Variants in RALYL observed in about 807,000 individuals in gnomAD.
The protein encoded by RALYL is RNA-binding Raly-like protein.
In RALYL, 29 loss-of-function variants were observed where a neutral mutation model predicts 35.1. The observed-to-expected ratio is 0.83, with a 90% CI of 0.61 to 1.13. The LOEUF (loss-of-function observed/expected upper bound fraction) is 1.13, where lower values mean the gene tolerates loss of function less well. Among genes scored for constraint, RALYL ranks in the 50% most tolerant of loss-of-function variants. The pLI, the probability that RALYL is intolerant of heterozygous loss-of-function variation, is 0.00. For missense variants in RALYL, 359 were observed against 360.4 expected, an observed-to-expected ratio of 1.00 and a Z score of 0.03; for synonymous variants, 120 against 127.6, an observed-to-expected ratio of 0.94 and a Z score of 0.40.
intron 1 of RALYL, among the ~76,000 whole-genome samples, chr8:84,316,254 T>C (rs1411588251): frequency 7.9e-5 from 12 of 152,160 alleles, no homozygotes; most frequent in Non-Finnish European, 1.8e-4. Flanking sequence ...TTACATTTAT[T>C]TCCAGACGTT....
chr8:84,377,969 A>G (rs1276750676), intron 1 of RALYL, among the ~76,000 whole-genome samples: 1 of 151,932 alleles, frequency 6.6e-6, no homozygotes, highest in Non-Finnish European at 1.5e-5. Flanking sequence ...ATTTATTTAA[A>G]GAATTTAACA....
chr8:84,520,649 A>T (rs899996167), intron 1 of RALYL, among the ~76,000 whole-genome samples: 11 of 152,124 alleles, frequency 7.2e-5, no homozygotes, highest in African/African-American at 2.7e-4. Flanking sequence ...TACTGCCTGA[A>T]CTCTGCCTCC....
chr8:84,907,007 C>A (rs1476622244), intron 8 of RALYL: 1 of 978,900 alleles, frequency 1.0e-6, no homozygotes, highest in African/African-American at 1.8e-5. Context: ...AAGTTCAGGC[C>A]TTTGGAAAGC....
At chr8:84,648,446 C>A (rs1588736677) in intron 2 of RALYL, among the ~76,000 whole-genome samples, 1 of 152,090 alleles carries the variant, frequency 6.6e-6, no homozygotes, top group East Asian at 1.9e-4. Context: ...GTAGATGGTG[C>A]CAGAGGGTTG....
At chr8:84,671,548 AGAGGCTCC>A (rs1240258290) in intron 2 of RALYL, among the ~76,000 whole-genome samples, 14 of 152,190 alleles carry the variant, frequency 9.2e-5, no homozygotes, top group Admixed American at 8.5e-4. Flanking sequence ...AAATCTAGGC[AGAGGCTCC>A]CAAACTTCAA....
chr8:84,217,444 G>A (rs1460870456), intron 1 of RALYL, among the ~76,000 whole-genome samples: 1 of 151,882 alleles, frequency 6.6e-6, no homozygotes, highest in Non-Finnish European at 1.5e-5. Context: ...CATTTTGTAT[G>A]TGCACCTAGA....
chr8:84,889,724 G>A lies in RALYL; in HGVS notation c.858+1948G>A, dbSNP rs1391849122. The stretch of plus-strand genomic sequence containing the variant: ...CAATAAACAATTGAAACTTAACATG[G>A]CCAGAAACAGTCTTGATTTTTTTCT... On this transcript the variant is annotated intron_variant, in intron 8 of 8. Transcript: ENST00000521268. 2.0e-5 allele frequency among the ~76,000 whole-genome samples: 3 copies of A among 152,100 alleles called. No homozygotes were observed. In the East Asian group the frequency reaches 5.8e-4, roughly 29 times the overall value.
intron 1 of RALYL, among the ~76,000 whole-genome samples, chr8:84,337,381 A>G (rs1161231332): frequency 6.6e-6 from 1 of 151,678 alleles, no homozygotes; most frequent in East Asian, 1.9e-4. Context: ...GAGATACTGA[A>G]TGGTGTATTT....
At chr8:84,770,157 T>A (rs1815078366) in intron 2 of RALYL, among the ~76,000 whole-genome samples, 1 of 152,146 alleles carries the variant, frequency 6.6e-6, no homozygotes, top group African/African-American at 2.4e-5. Context: ...CCTAGCAGTA[T>A]ACACTAAACC....
chr8:84,472,508 C>A (rs190448632), intron 1 of RALYL, among the ~76,000 whole-genome samples: 9 of 152,134 alleles, frequency 5.9e-5, no homozygotes, highest in African/African-American at 2.2e-4. Flanking sequence ...AAGAAATGTA[C>A]CTTAGTATCT....
chr8:84,833,027 G>T (rs1002952719), intron 4 of RALYL, among the ~76,000 whole-genome samples: 1 of 152,106 alleles, frequency 6.6e-6, no homozygotes, highest in East Asian at 1.9e-4. Flanking sequence ...TCTTCCACTT[G>T]ACAGGCTTTC....
In RALYL at chr8:84,773,129, A is replaced by T. The variant is rs1226832532; in HGVS notation, c.257-1450A>T. Among the ~76,000 whole-genome samples, 4 of 152,174 alleles carry T rather than the reference A, an allele frequency of 2.6e-5. No individual in the cohort carries two copies. In the East Asian group the frequency reaches 7.7e-4, roughly 29 times the overall value. ...GTGCCCGCTGAACCACAAGGATGTA[A>T]AAACTAAAACTCATGTTCTGGCAGC... On this transcript the variant is annotated intron_variant, in intron 2 of 8. Transcript: ENST00000521268.
At chr8:84,404,815 G>T (rs1438814545) in intron 1 of RALYL, among the ~76,000 whole-genome samples, 1 of 151,800 alleles carries the variant, frequency 6.6e-6, no homozygotes, top group African/African-American at 2.4e-5. Context: ...GTTTTTTTTG[G>T]CTGGTCAGCT....
chr8:84,771,116 G>T lies in RALYL; in HGVS notation c.257-3463G>T, dbSNP rs553317856. ...ATTTTGCAATTAAATTTACATGAAA[G>T]AATTCATACTGTCAGTATTTTTCCA... On this transcript the variant is annotated intron_variant, in intron 2 of 8. Transcript: ENST00000521268. Among the ~76,000 whole-genome samples the T allele has an allele frequency of 6.6e-5, 10 of 152,044 alleles. No individual in the cohort carries two copies. In the South Asian group the frequency reaches 1.5e-3, roughly 22 times the overall value.
chr8:84,315,170 A>T (rs1201357804), intron 1 of RALYL, among the ~76,000 whole-genome samples: 1 of 152,200 alleles, frequency 6.6e-6, no homozygotes, highest in African/African-American at 2.4e-5. Context: ...GGTTAAATAA[A>T]TTACAACCCA....
intron 1 of RALYL, among the ~76,000 whole-genome samples, chr8:84,232,689 C>A (rs1825635557): frequency 6.6e-6 from 1 of 152,026 alleles, no homozygotes; most frequent in African/African-American, 2.4e-5. Context: ...TACTTAAAAA[C>A]AAAACTTCAT....
intron 2 of RALYL, among the ~76,000 whole-genome samples, chr8:84,638,920 A>C: frequency 8.2e-6 from 1 of 121,542 alleles, no homozygotes; most frequent in Non-Finnish European, 1.7e-5. Flanking sequence ...ATATATATAT[A>C]TTCTCTCACA....
In RALYL at chr8:84,296,254, T is replaced by C. The variant is rs370893937; in HGVS notation, c.-24+111830T>C. ...TAACCACTAAAGCCATAACTTGGCA[T>C]CTGCTACTGGCTGAATGCAGATTTG... On this transcript the variant is annotated intron_variant, in intron 1 of 8. Coordinates refer to ENST00000521268, the MANE Select transcript of RALYL (RefSeq NM_173848.7). 4.6e-5 allele frequency among the ~76,000 whole-genome samples: 7 copies of C among 152,264 alleles called. No individual in the cohort carries two copies. In the East Asian group the frequency reaches 9.7e-4, roughly 21 times the overall value.
At chr8:84,601,093 G>C (rs930627550) in intron 2 of RALYL, among the ~76,000 whole-genome samples, 8 of 152,114 alleles carry the variant, frequency 5.3e-5, no homozygotes, top group Admixed American at 3.9e-4. Context: ...GATGTATCCA[G>C]AGAATAAAAT....
Sources: gnomAD v4.1 joint callset for allele counts (sites outside exome capture counted in the v4.1 genomes callset) on GRCh38, gnomAD v4.1.1 for gene constraint, MANE v1.5 for transcripts, NCBI Gene and HGNC (gene_info 2026-07-23, HGNC 2026-07-21) for gene names.